Variants in PAX2 observed in about 807,000 individuals in gnomAD.
PAX2 encodes the protein paired box protein Pax-2.
In PAX2, 9 loss-of-function variants were observed where a neutral mutation model predicts 41.7. The ratio of observed to expected loss-of-function variants is 0.22; its 90% CI spans 0.13 to 0.38. PAX2 has a LOEUF of 0.38. Ranked by LOEUF, PAX2 falls within the 10% of genes least tolerant of loss-of-function variation. The probability of loss-of-function intolerance (pLI) is 1.00; values close to 1 mark genes in which losing one functional copy is unlikely to be tolerated. For missense variants in PAX2, 418 were observed against 531.6 expected (o/e 0.79, Z 2.10); for synonymous variants, 221 against 212.7 (o/e 1.04, Z -0.34).
chr10:100,789,195 C>T (rs1320175711), intron 5 of PAX2, among the ~76,000 whole-genome samples: 1 of 152,224 alleles, frequency 6.6e-6, no homozygotes, highest in Admixed American at 6.5e-5. Context: ...CAACCTCTGC[C>T]TCCCAGTTCA....
intron 5 of PAX2, among the ~76,000 whole-genome samples, chr10:100,794,517 G>T (rs990889876): frequency 1.3e-5 from 2 of 152,106 alleles, no homozygotes; most frequent in African/African-American, 4.8e-5. Flanking sequence ...GCTGGGCTGG[G>T]TCCTGGGTGG....
Position 100,748,962 on chromosome 10 carries a change from G to T in PAX2, c.44-784G>T. On this transcript the variant is annotated intron_variant, in intron 1 of 9. Transcript: ENST00000355243. The surrounding 1 kb of genome is among the most constrained non-coding windows in gnomAD (Gnocchi z 5.0). ...GGCAGGCAGGCGAGCCCAAGCAGCCGGCATTCTCTGCCTGCTGCCTGGAGC... is the reference window on the plus strand; with the variant it reads ...GGCAGGCAGGCGAGCCCAAGCAGCCTGCATTCTCTGCCTGCTGCCTGGAGC... The T allele has an allele frequency of 1.0e-6, 1 of 985,368 alleles. No homozygotes were observed. The highest frequency in any genetic ancestry group is 1.2e-6 in the Non-Finnish European group (1 of 829,920). 61.0% of individuals were successfully genotyped at this position (985,368 alleles called of 1,614,324 possible). A position where few individuals can be genotyped will look rare whatever the true frequency, so the allele number is the denominator to read the frequency against.
intron 3 of PAX2, among the ~76,000 whole-genome samples, chr10:100,763,525 T>C (rs1241701619): frequency 6.6e-6 from 1 of 151,874 alleles, no homozygotes; most frequent in Non-Finnish European, 1.5e-5. Context: ...GTGGTTAGAG[T>C]AGTTAGTATT....
Position 100,748,511 on chromosome 10 carries a change from G to T in PAX2, c.44-1235G>T. 1.0e-6 allele frequency: 1 copy of T among 985,312 alleles called. No homozygotes were observed. The highest frequency in any genetic ancestry group is 1.2e-6 in the Non-Finnish European group (1 of 829,894). 61.0% of individuals were successfully genotyped at this position (985,312 alleles called of 1,614,324 possible). A position where few individuals can be genotyped will look rare whatever the true frequency, so the allele number is the denominator to read the frequency against. On this transcript the variant is annotated intron_variant, in intron 1 of 9. Transcript: ENST00000355243. The surrounding 1 kb of genome is among the most constrained non-coding windows in gnomAD (Gnocchi z 5.0). ...ACTCGCGTGAGGCTAGCGGGGCAGG[G>T]GCTGCAGCTTGCCAGTCCGGGCCGA...
chr10:100,775,040 G>C lies in PAX2; in HGVS notation c.411-4458G>C, dbSNP rs551945575. ...AGAGAAGTGGGGAGCAGGCACCCTG[G>C]CAGGGCAGTCTCTCAGTGGAAATGG... On this transcript the variant is annotated intron_variant, in intron 3 of 9. Coordinates refer to ENST00000355243, the MANE Select transcript of PAX2 (RefSeq NM_000278.5). Among the ~76,000 whole-genome samples the C allele has an allele frequency of 3.9e-5, 6 of 151,984 alleles. No individual in the cohort carries two copies. In the South Asian group the frequency reaches 1.0e-3, roughly 26 times the overall value.
chr10:100,826,664 T>C lies in PAX2; in HGVS notation c.1022-345T>C, dbSNP rs374519063. Among the ~76,000 whole-genome samples the C allele has an allele frequency of 2.6e-4, 39 of 152,296 alleles. No homozygotes were observed. The highest frequency in any genetic ancestry group is 1.5e-3 in the East Asian group (8 of 5,174). On this transcript the variant is annotated intron_variant, in intron 8 of 9. Coordinates refer to ENST00000355243, the MANE Select transcript of PAX2 (RefSeq NM_000278.5). This position sits in a 1 kb window ranked among gnomAD's most constrained non-coding sequence, Gnocchi z 5.5. ...CCTCCTAGAACCGGAGTGGCATCTA[T>C]AAAGGCCCTGGCCCCCAGCGCGACA...
Position 100,827,785 on chromosome 10 carries a change from C to G in PAX2, c.*166C>G. On this transcript the variant is annotated 3_prime_UTR_variant, in exon 10 of 10. Transcript: ENST00000355243. This position sits in a 1 kb window ranked among gnomAD's most constrained non-coding sequence, Gnocchi z 8.5. ...ACCCCCGCAACCCTTCACATCACCC[C>G]CCTCGAAGGTCGGACAGGACGGGTG... 9.7e-7 allele frequency: 1 copy of G among 1,034,294 alleles called. No individual in the cohort carries two copies. The allele number at this position is 1,034,294 out of a possible 1,614,324, so 64.1% of individuals were successfully genotyped here.
rs780728141 is a variant in PAX2, at chr10:100,824,353, T to TACATACAC, written c.920-292_920-291insTACACACA. On this transcript the variant is annotated intron_variant, in intron 7 of 9. Coordinates refer to ENST00000355243, the MANE Select transcript of PAX2 (RefSeq NM_000278.5). The surrounding 1 kb of genome is among the most constrained non-coding windows in gnomAD (Gnocchi z 6.6). The stretch of plus-strand genomic sequence containing the variant: ...GCACAGAGACACAGGCAAAGGCAGA[T>TACATACAC]ACACACACACACACACACACACACA... 7.4e-6 allele frequency among the ~76,000 whole-genome samples: 1 copy of TACATACAC among 135,474 alleles called. No homozygotes were observed. The highest frequency in any genetic ancestry group is 2.7e-5 in the African/African-American group (1 of 36,646). The allele number at this position is 135,474 out of a possible 152,430, so 88.9% of individuals were successfully genotyped here.
intron 8 of PAX2, among the ~76,000 whole-genome samples, chr10:100,825,149 G>A (rs1024005708): frequency 1.3e-5 from 2 of 152,044 alleles, no homozygotes; most frequent in African/African-American, 4.8e-5. Flanking sequence ...CCATTTCCAG[G>A]GGCATGTCAG....
intron 7 of PAX2, among the ~76,000 whole-genome samples, chr10:100,819,258 A>AGCGG (rs1442534780): frequency 6.8e-6 from 1 of 147,440 alleles, no homozygotes; most frequent in Admixed American, 6.7e-5. Flanking sequence ...AAAAAAAAAA[A>AGCGG]AGGGGGGGGA....
intron 5 of PAX2, among the ~76,000 whole-genome samples, chr10:100,782,719 G>A (rs768982302): frequency 4.4e-4 from 67 of 152,400 alleles, no homozygotes; most frequent in Non-Finnish European, 7.8e-4. Flanking sequence ...CGATTTGGCC[G>A]CCACGGCCTT....
At chr10:100,792,308 C>T (rs1342469505) in intron 5 of PAX2, among the ~76,000 whole-genome samples, 1 of 152,206 alleles carries the variant, frequency 6.6e-6, no homozygotes, top group Non-Finnish European at 1.5e-5. Context: ...GTAAGTGGGC[C>T]AGGACCCTTG....
intron 5 of PAX2, among the ~76,000 whole-genome samples, chr10:100,782,924 C>G (rs1846693584): frequency 6.6e-6 from 1 of 152,224 alleles, no homozygotes; most frequent in African/African-American, 2.4e-5. Flanking sequence ...AACCAGCAGC[C>G]CCTGTGTTTT....
upstream of PAX2, among the ~76,000 whole-genome samples, chr10:100,740,724 G>A (rs1352467621): frequency 6.6e-6 from 1 of 152,144 alleles, no homozygotes; most frequent in African/African-American, 2.4e-5. Flanking sequence ...AAGGGACTGT[G>A]TATGTAGTGG....
chr10:100,759,770 G>A (rs1213633388), intron 3 of PAX2, among the ~76,000 whole-genome samples: 1 of 152,202 alleles, frequency 6.6e-6, no homozygotes, highest in African/African-American at 2.4e-5. Context: ...AGGACTGGGA[G>A]AGAGGGGAGC....
chr10:100,758,244 C>T (rs1200817717), intron 3 of PAX2, among the ~76,000 whole-genome samples: 2 of 151,744 alleles, frequency 1.3e-5, no homozygotes, highest in African/African-American at 4.8e-5. Flanking sequence ...GGGTTCACGC[C>T]ATTCTCCTGC....
upstream of PAX2, among the ~76,000 whole-genome samples, chr10:100,742,686 G>A (rs980448493): frequency 6.6e-6 from 1 of 152,012 alleles, no homozygotes; most frequent in Non-Finnish European, 1.5e-5. Flanking sequence ...CTAGGTTGGG[G>A]GGTGGAAGGG....
intron 3 of PAX2, among the ~76,000 whole-genome samples, chr10:100,766,095 C>G (rs1846018885): frequency 6.6e-6 from 1 of 152,222 alleles, no homozygotes; most frequent in South Asian, 2.1e-4. Flanking sequence ...AAATAACTTG[C>G]TCAAGGTCAC....
chr10:100,775,416 G>C (rs988383560), intron 3 of PAX2, among the ~76,000 whole-genome samples: 1 of 152,096 alleles, frequency 6.6e-6, no homozygotes, highest in Non-Finnish European at 1.5e-5. Context: ...AATTCTCCGA[G>C]ATCAGCTCTA....
Sources: gnomAD v4.1 joint callset for allele counts (sites outside exome capture counted in the v4.1 genomes callset) on GRCh38, gnomAD v4.1.1 for gene constraint, Gnocchi (gnomAD v3.1) non-coding constraint, MANE v1.5 for transcripts, NCBI Gene and HGNC (gene_info 2026-07-23, HGNC 2026-07-21) for gene names.